Variants in LANCL3 observed in about 807,000 individuals in gnomAD.
LANCL3 encodes LanC like family member 3.
LANCL3 carries 19 observed loss-of-function variants against 26.5 expected under a neutral mutation model. That is an observed-to-expected ratio of 0.72 (90% CI 0.50 to 1.05). The LOEUF is 1.05. Among genes scored for constraint, LANCL3 ranks in the 50% least tolerant of loss-of-function variants. The pLI, the probability that LANCL3 is intolerant of heterozygous loss-of-function variation, is 0.00. For synonymous variants in LANCL3, 160 were observed against 166.6 expected (o/e 0.96, Z 0.30); for missense variants, 318 against 362.7 (o/e 0.88, Z 1.00).
At chrX:37,585,299 A>C (rs1223798246) in intron 1 of LANCL3, among the ~76,000 whole-genome samples, 1 of 111,533 alleles carries the variant, frequency 9.0e-6, no homozygotes, top group Non-Finnish European at 1.9e-5. Flanking sequence ...AGTTCTGTAG[A>C]TGTCTATTAG....
chrX:37,633,501 C>T (rs868994599), intron 1 of LANCL3, among the ~76,000 whole-genome samples: 22 of 111,336 alleles, frequency 2.0e-4, no homozygotes, highest in South Asian at 3.8e-4. Context: ...GGAGGAGAGG[C>T]GCTCTGCTTT....
intron 1 of LANCL3, among the ~76,000 whole-genome samples, chrX:37,634,291 G>A (rs782453010): frequency 3.5e-5 from 4 of 112,803 alleles, no homozygotes; most frequent in East Asian, 2.8e-4. Context: ...TTGGAAAAGC[G>A]CAGTATTAGG....
intron 3 of LANCL3, among the ~76,000 whole-genome samples, chrX:37,665,567 C>T (rs1346901419): frequency 2.7e-5 from 3 of 111,917 alleles, no homozygotes; most frequent in African/African-American, 9.8e-5. Flanking sequence ...AATATATATC[C>T]TATTATGTAT....
Position 37,622,192 on chromosome X carries a change from T to C in LANCL3, c.574-33496T>C, listed in dbSNP as rs1925182321. ...AAAGGAACTCAAGTTGGAGAGAAACTTGGATACCCATAAAGGAAAGTTTCC... is the reference window on the plus strand; with the variant it reads ...AAAGGAACTCAAGTTGGAGAGAAACCTGGATACCCATAAAGGAAAGTTTCC... On this transcript the variant is annotated intron_variant, in intron 1 of 4. Coordinates refer to ENST00000378619, the MANE Select transcript of LANCL3 (RefSeq NM_001170331.2). 2.7e-5 allele frequency among the ~76,000 whole-genome samples: 3 copies of C among 111,608 alleles called. 1 individual carries two copies. In the Admixed American group the frequency reaches 2.9e-4, roughly 11 times the overall value.
At chrX:37,605,020 G>A (rs1924669082) in intron 1 of LANCL3, among the ~76,000 whole-genome samples, 1 of 112,054 alleles carries the variant, frequency 8.9e-6, no homozygotes, top group Non-Finnish European at 1.9e-5. Context: ...AGTGTGAGAT[G>A]TGTGTGCTGG....
At chrX:37,618,211 C>A (rs1384115393) in intron 1 of LANCL3, among the ~76,000 whole-genome samples, 1 of 112,290 alleles carries the variant, frequency 8.9e-6, no homozygotes, top group Non-Finnish European at 1.9e-5. Flanking sequence ...ATATAATAAT[C>A]CAGGCTAGGG....
chrX:37,595,637 A>G (rs1318334376), intron 1 of LANCL3, among the ~76,000 whole-genome samples: 1 of 112,531 alleles, frequency 8.9e-6, no homozygotes, highest in African/African-American at 3.2e-5. Context: ...GATTGTAAAC[A>G]TCTTTTAGGA....
Position 37,661,129 on chromosome X carries a change from A to G in LANCL3, c.895+1470A>G, listed in dbSNP as rs1335486425. ...TGGTCTCTGGATATCCTCCAAGCATACCAGCAAGGATCCTTGAATTTTGGA... is the reference window on the plus strand; with the variant it reads ...TGGTCTCTGGATATCCTCCAAGCATGCCAGCAAGGATCCTTGAATTTTGGA... On this transcript the variant is annotated intron_variant, in intron 3 of 4. Transcript: ENST00000378619. 2.7e-5 allele frequency among the ~76,000 whole-genome samples: 3 copies of G among 111,607 alleles called. No individual in the cohort carries two copies. In the Admixed American group the frequency reaches 2.9e-4, roughly 11 times the overall value.
chrX:37,608,338 G>A (rs374250527), intron 1 of LANCL3, among the ~76,000 whole-genome samples: 165 of 111,616 alleles, frequency 1.5e-3, no homozygotes, highest in African/African-American at 5.1e-3. Flanking sequence ...CAGATTGCTG[G>A]GCCCTACCTC....
rs1393465211 is a variant in LANCL3, at chrX:37,679,988, GT to G, written c.*4180del. On this transcript the variant is annotated 3_prime_UTR_variant, in exon 5 of 5. Coordinates refer to ENST00000378619, the MANE Select transcript of LANCL3 (RefSeq NM_001170331.2). ...TAAATATTATAGTTCATTGTGATAT[GT>G]TTTTCCTGTATCTGCTCTATCATGT... is the stretch of plus-strand genomic sequence containing the variant. 9.0e-6 allele frequency: 1 copy of G among 111,626 alleles called. No individual in the cohort carries two copies. The highest frequency in any genetic ancestry group is 1.9e-5 in the Non-Finnish European group (1 of 53,170). 9.2% of individuals were successfully genotyped at this position (111,626 alleles called of 1,213,427 possible).
At chrX:37,589,593 T>C (rs1924213877) in intron 1 of LANCL3, among the ~76,000 whole-genome samples, 1 of 111,933 alleles carries the variant, frequency 8.9e-6, no homozygotes, top group South Asian at 3.7e-4. Context: ...TGATTCTTTT[T>C]TCTTGAATCT....
At chrX:37,634,989 G>A (rs1925666425) in intron 1 of LANCL3, among the ~76,000 whole-genome samples, 1 of 109,952 alleles carries the variant, frequency 9.1e-6, no homozygotes, top group Non-Finnish European at 1.9e-5. Context: ...TAAATTCAAA[G>A]GGATGTTATT....
chrX:37,677,258 G>A lies in LANCL3; in HGVS notation c.*1445G>A, dbSNP rs782162152. 5 of 108,965 alleles carry A rather than the reference G, an allele frequency of 4.6e-5. No individual in the cohort carries two copies. Among genetic ancestry groups the A allele is most frequent in the Non-Finnish European group, 9.5e-5 (5 of 52,519 alleles). The allele number at this position is 108,965 out of a possible 1,213,427, so 9.0% of individuals were successfully genotyped here. ...TAACTTGAATCATAGACTTTGGAAC[G>A]AGTTAGGGAATGCTCTGTTGCCTAA... On this transcript the variant is annotated 3_prime_UTR_variant, in exon 5 of 5. Transcript: ENST00000378619.
intron 1 of LANCL3, among the ~76,000 whole-genome samples, chrX:37,623,655 T>A (rs1378633063): frequency 1.8e-5 from 2 of 112,356 alleles, no homozygotes; most frequent in Non-Finnish European, 3.8e-5. Flanking sequence ...CTAGAATTCA[T>A]TTTTTAAAGT....
rs1463978038 is a variant in LANCL3 at position 37,589,396 on chromosome X, A to G, written c.573+16953A>G. ...GCAATTCAAGCAGCACCTACCTCATAGGTGTGCTAGGAAGGGCCACTGAGA... is the reference window on the plus strand; with the variant it reads ...GCAATTCAAGCAGCACCTACCTCATGGGTGTGCTAGGAAGGGCCACTGAGA... On this transcript the variant is annotated intron_variant, in intron 1 of 4. Coordinates refer to ENST00000378619, the MANE Select transcript of LANCL3 (RefSeq NM_001170331.2). 6.3e-5 allele frequency among the ~76,000 whole-genome samples: 7 copies of G among 111,129 alleles called. No homozygotes were observed. The Admixed American group carries it at 6.7e-4, about 11-fold the overall frequency.
intron 1 of LANCL3, among the ~76,000 whole-genome samples, chrX:37,624,211 C>T (rs1477900763): frequency 8.9e-6 from 1 of 111,845 alleles, no homozygotes; most frequent in Admixed American, 9.5e-5. Flanking sequence ...GTGCCTGTTT[C>T]CCCACAAATC....
chrX:37,622,078 G>A (rs1351931433), intron 1 of LANCL3, among the ~76,000 whole-genome samples: 5 of 110,451 alleles, frequency 4.5e-5, no homozygotes, highest in African/African-American at 9.9e-5. Context: ...AACCACCCCC[G>A]TCCCCTGAGA....
At chrX:37,644,899 G>C (rs1556426538) in intron 1 of LANCL3, among the ~76,000 whole-genome samples, 1 of 112,319 alleles carries the variant, frequency 8.9e-6, no homozygotes, top group East Asian at 2.8e-4. Flanking sequence ...GGTGTGGACA[G>C]GGCATTGGGA....
intron 1 of LANCL3, among the ~76,000 whole-genome samples, chrX:37,650,016 T>C (rs1340561964): frequency 1.8e-5 from 2 of 110,803 alleles, no homozygotes; most frequent in African/African-American, 6.6e-5. Flanking sequence ...TTAAAAAAGA[T>C]CCCGGCCAGG....
Sources: gnomAD v4.1 joint callset for allele counts (sites outside exome capture counted in the v4.1 genomes callset) on GRCh38, gnomAD v4.1.1 for gene constraint, MANE v1.5 for transcripts, NCBI Gene and HGNC (gene_info 2026-07-23, HGNC 2026-07-21) for gene names.